Variants in CDH23 observed in about 807,000 individuals in gnomAD.
CDH23 encodes cadherin related 23.
In CDH23, 189 loss-of-function variants were observed where a neutral mutation model predicts 317.1. The ratio of observed to expected loss-of-function variants is 0.60; its 90% CI spans 0.53 to 0.67. The LOEUF is 0.67. Among genes scored for constraint, CDH23 ranks in the 30% least tolerant of loss-of-function variants. CDH23 has a pLI of 0.00. For synonymous variants in CDH23, 1,839 were observed against 1,876.8 expected, an observed-to-expected ratio of 0.98 and a Z score of 0.52; for missense variants, 4,401 against 4,592.4, an observed-to-expected ratio of 0.96 and a Z score of 1.20.
intron 3 of CDH23, among the ~76,000 whole-genome samples, chr10:71,500,080 A>G (rs1171579961): frequency 1.3e-5 from 2 of 152,156 alleles, no homozygotes; most frequent in East Asian, 1.9e-4. Flanking sequence ...ATAGTTAGCA[A>G]TAATTTATTG....
chr10:71,483,916 A>G (rs1390225749), intron 3 of CDH23, among the ~76,000 whole-genome samples: 2 of 152,070 alleles, frequency 1.3e-5, no homozygotes, highest in East Asian at 3.9e-4. Flanking sequence ...GTGCACACAC[A>G]CATGCCCCCT....
chr10:71,504,989 AGT>A, intron 3 of CDH23, among the ~76,000 whole-genome samples: 1 of 152,380 alleles, frequency 6.6e-6, no homozygotes, highest in African/African-American at 2.4e-5. Context: ...TAGCCAACCC[AGT>A]CAAGAGGGCC....
chr10:71,625,406 A>AC, intron 11 of CDH23, among the ~76,000 whole-genome samples: 1 of 133,670 alleles, frequency 7.5e-6, no homozygotes, highest in Non-Finnish European at 1.6e-5. Flanking sequence ...TAAAAAAAAA[A>AC]AAAAAAAAAA....
At chr10:71,794,986 A>G (rs1428722171) in intron 48 of CDH23, among the ~76,000 whole-genome samples, 1 of 152,206 alleles carries the variant, frequency 6.6e-6, no homozygotes, top group Non-Finnish European at 1.5e-5. Context: ...AGAAGCAATA[A>G]ATTAGACACA....
In CDH23 at chr10:71,774,652, A is replaced by G. The variant is rs1589414322; in HGVS notation, c.4846-3028A>G. Among the ~76,000 whole-genome samples the G allele has an allele frequency of 2.0e-5, 3 of 152,216 alleles. No homozygotes were observed. In the East Asian group the frequency reaches 5.8e-4, roughly 29 times the overall value. ...GAGTGAGTGAGTGATTGTGTGATGG[A>G]GGAGCAGAGGTGATCGTGGCCAGGA... is the stretch of plus-strand genomic sequence containing the variant. On this transcript the variant is annotated intron_variant, in intron 38 of 69. Transcript: ENST00000224721.
intron 14 of CDH23, among the ~76,000 whole-genome samples, chr10:71,671,419 G>T (rs1464855334): frequency 6.6e-6 from 1 of 152,192 alleles, no homozygotes; most frequent in Non-Finnish European, 1.5e-5. Context: ...AGGGAAGGGG[G>T]TGTTTGCAGC....
In CDH23 at chr10:71,702,076, C is replaced by T; in HGVS notation, c.2452C>T (p.Gln818Ter). 1 of 1,613,892 alleles carries T rather than the reference C, an allele frequency of 6.2e-7. No homozygotes were observed. The highest frequency in any genetic ancestry group is 8.5e-7 in the Non-Finnish European group (1 of 1,179,862). ...GENGTLVYSI[Q>*]PPNKFYSLNS... ...GAATGGCACCCTGGTGTACAGCATC[C>T]AGCCACCCAACAAGTTCTACAGCCT... Residue 818 changes from glutamine to a stop codon, truncating the protein, a stop_gained, in exon 23 of 70, where the codon CAG becomes TAG. Coordinates refer to ENST00000224721, the MANE Select transcript of CDH23 (RefSeq NM_022124.6). LOFTEE classifies it high-confidence loss of function.
chr10:71,625,712 G>C (rs900779974), intron 11 of CDH23, among the ~76,000 whole-genome samples: 1 of 152,204 alleles, frequency 6.6e-6, no homozygotes, highest in Non-Finnish European at 1.5e-5. Context: ...CAAAGGTTGC[G>C]TTCCTGGCTG....
intron 6 of CDH23, among the ~76,000 whole-genome samples, chr10:71,550,627 G>C (rs1382539765): frequency 6.8e-6 from 1 of 146,916 alleles, no homozygotes; most frequent in African/African-American, 2.5e-5. Context: ...AAAGAAAAAA[G>C]ACAAGGCTGC....
chr10:71,760,792 C>A, intron 38 of CDH23: 2 of 1,442,628 alleles, frequency 1.4e-6, no homozygotes, highest in South Asian at 2.3e-5. Flanking sequence ...GGCCAGAGTT[C>A]CAAACAGGGT....
chr10:71,579,401 A>T (rs1858469192), intron 9 of CDH23, among the ~76,000 whole-genome samples: 1 of 151,980 alleles, frequency 6.6e-6, no homozygotes, highest in Non-Finnish European at 1.5e-5. Flanking sequence ...CCCCCATTTC[A>T]TTATTCTGGT....
chr10:71,559,345 A>G (rs376918426), intron 6 of CDH23, among the ~76,000 whole-genome samples: 18 of 152,368 alleles, frequency 1.2e-4, no homozygotes, highest in African/African-American at 4.3e-4. Context: ...TCAATCTGCC[A>G]TGTTTACCAC....
At chr10:71,778,824 C>T (rs978391892) in intron 40 of CDH23, among the ~76,000 whole-genome samples, 1 of 152,186 alleles carries the variant, frequency 6.6e-6, no homozygotes, top group Non-Finnish European at 1.5e-5. Context: ...GGCTTGATCA[C>T]AGCTCACTGC....
chr10:71,421,802 G>A (rs1452164179), intron 1 of CDH23, among the ~76,000 whole-genome samples: 1 of 151,970 alleles, frequency 6.6e-6, no homozygotes, highest in East Asian at 1.9e-4. Flanking sequence ...ATTAAAAGAG[G>A]CTGGTGTGGT....
At chr10:71,680,829 C>CTTTT (rs1312991062) in intron 17 of CDH23, among the ~76,000 whole-genome samples, 2 of 70,130 alleles carry the variant, frequency 2.9e-5, no homozygotes, top group Admixed American at 2.2e-4. Flanking sequence ...TTTTCTTTTT[C>CTTTT]TTTTTTTTTT....
At chr10:71,444,164 G>A (rs1850043782) in intron 2 of CDH23, among the ~76,000 whole-genome samples, 1 of 152,274 alleles carries the variant, frequency 6.6e-6, no homozygotes, top group African/African-American at 2.4e-5. Flanking sequence ...CGGCTGCAAA[G>A]GCAGCGTATT....
chr10:71,424,897 GC>G (rs1488001423), intron 1 of CDH23, among the ~76,000 whole-genome samples: 1 of 152,194 alleles, frequency 6.6e-6, no homozygotes, highest in East Asian at 1.9e-4. Flanking sequence ...CTCAGGGAAG[GC>G]TCCTCAGTCC....
intron 28 of CDH23, chr10:71,716,938 T>A (rs1362687854): frequency 2.0e-5 from 3 of 152,256 alleles, no homozygotes; most frequent in Non-Finnish European, 4.4e-5. Flanking sequence ...TGGCCCATGT[T>A]CCTGCCTCAT....
intron 38 of CDH23, among the ~76,000 whole-genome samples, chr10:71,770,431 G>A (rs1361673991): frequency 6.6e-6 from 1 of 151,734 alleles, no homozygotes; most frequent in East Asian, 1.9e-4. Context: ...GTTAAGCAAG[G>A]GGCTGTACGG....
Sources: allele counts gnomAD v4.1 joint callset (sites outside exome capture counted in the v4.1 genomes callset), GRCh38; gene constraint gnomAD v4.1.1; transcripts MANE v1.5; gene names NCBI Gene and HGNC (gene_info 2026-07-23, HGNC 2026-07-21).